The following PRDM16 variants were observed in gnomAD, a reference collection of about 807,000 sequenced individuals.
PRDM16 encodes PR/SET domain 16.
Under a neutral mutation model 110.6 loss-of-function variants are expected in PRDM16, and 23 were observed. That is an observed-to-expected ratio of 0.21 (90% confidence interval 0.15 to 0.29). PRDM16 has a LOEUF of 0.29. PRDM16 is among the 10% of genes least tolerant of loss of function. The pLI is 1.00. For synonymous variants in PRDM16, 799 were observed against 781.8 expected (o/e 1.02, Z -0.37); for missense variants, 1,615 against 1,794.3 (o/e 0.90, Z 1.81).
intron 3 of PRDM16, among the ~76,000 whole-genome samples, chr1:3,258,165 C>T (rs1021503370): frequency 6.6e-6 from 1 of 152,168 alleles, no homozygotes. Context: ...AAGTATCTAC[C>T]GTCCTGCTGC....
At chr1:3,289,582 G>C (rs1640927458) in intron 3 of PRDM16, among the ~76,000 whole-genome samples, 1 of 152,240 alleles carries the variant, frequency 6.6e-6, no homozygotes, top group African/African-American at 2.4e-5. Context: ...CCAGCAGGAG[G>C]AGACAGACAC....
intron 3 of PRDM16, among the ~76,000 whole-genome samples, chr1:3,340,214 T>G (rs1429056537): frequency 2.6e-5 from 4 of 152,110 alleles, no homozygotes; most frequent in African/African-American, 9.7e-5. Flanking sequence ...AGTCCTTACC[T>G]GGGCCCTTTG....
intron 1 of PRDM16, among the ~76,000 whole-genome samples, chr1:3,141,655 G>GGCAGACCCCAGCT (rs1643552171): frequency 6.6e-6 from 1 of 152,258 alleles, no homozygotes; most frequent in African/African-American, 2.4e-5. Context: ...TTAATCATAT[G>GGCAGACCCCAGCT]TGGCCACAGT....
At chr1:3,180,894 TCA>T (rs1433318295) in intron 1 of PRDM16, among the ~76,000 whole-genome samples, 7 of 151,024 alleles carry the variant, frequency 4.6e-5, no homozygotes, top group Admixed American at 6.6e-5. Flanking sequence ...ACACACGGCC[TCA>T]CACACGCAGT....
intron 1 of PRDM16, among the ~76,000 whole-genome samples, chr1:3,095,092 G>A (rs975898544): frequency 5.9e-5 from 9 of 152,228 alleles, no homozygotes; most frequent in African/African-American, 2.2e-4. Context: ...CACTGGCCCA[G>A]GCGAGCAGCC....
At chr1:3,141,582 T>C (rs1465262049) in intron 1 of PRDM16, among the ~76,000 whole-genome samples, 3 of 152,246 alleles carry the variant, frequency 2.0e-5, no homozygotes, top group African/African-American at 4.8e-5. Flanking sequence ...CGGACCCTTC[T>C]GGGCCGCCCC....
intron 8 of PRDM16, among the ~76,000 whole-genome samples, chr1:3,409,773 G>A (rs1395287805): frequency 2.7e-5 from 4 of 148,390 alleles, no homozygotes; most frequent in South Asian, 2.2e-4. Flanking sequence ...GTGTGTGGTT[G>A]TGTGTGGGTG....
chr1:3,425,505 T>G lies in PRDM16; in HGVS notation c.2940-76T>G, dbSNP rs532198016. 488 of 1,499,590 alleles carry G rather than the reference T, an allele frequency of 3.3e-4. 2 individuals are homozygous for G. The African/African-American group carries it at 5.9e-3, about 18-fold the overall frequency. The allele number at this position is 1,499,590 out of a possible 1,614,324, so 92.9% of individuals were successfully genotyped here. On this transcript the variant is annotated intron_variant, in intron 12 of 16. Coordinates refer to ENST00000270722, the MANE Select transcript of PRDM16 (RefSeq NM_022114.4). This position sits in a 1 kb window ranked among gnomAD's most constrained non-coding sequence, Gnocchi z 6.9. Reference sequence around the variant, plus strand: ...GCACGGGGCAGGGGCGCGGGCTCCCTTCCCCCCACCCTCTGTGGCCCGGCC... The same window carrying G: ...GCACGGGGCAGGGGCGCGGGCTCCCGTCCCCCCACCCTCTGTGGCCCGGCC...
intron 1 of PRDM16, among the ~76,000 whole-genome samples, chr1:3,130,714 A>G (rs924972995): frequency 2.9e-5 from 4 of 140,012 alleles, no homozygotes; most frequent in African/African-American, 1.1e-4. Flanking sequence ...GACGGATGTC[A>G]CCTCCATTCC....
rs112481112 is a variant in PRDM16 at position 3,143,772 on chromosome 1, C to T, written c.38-42353C>T. On this transcript the variant is annotated intron_variant, in intron 1 of 16. Coordinates refer to ENST00000270722, the MANE Select transcript of PRDM16 (RefSeq NM_022114.4). This position sits in a 1 kb window ranked among gnomAD's most constrained non-coding sequence, Gnocchi z 4.5. ...GATCACAGGCTTGAGCCACCGCGTC[C>T]GGCTTATTCTTTTTTTCTAAATAGT... 0.018 allele frequency among the ~76,000 whole-genome samples: 2,771 copies of T among 152,216 alleles called. 70 individuals carry two copies. Among genetic ancestry groups the T allele is most frequent in the African/African-American group, 0.063 (2,596 of 41,524 alleles).
chr1:3,372,159 A>G (rs1187830634), intron 3 of PRDM16, among the ~76,000 whole-genome samples: 3 of 152,194 alleles, frequency 2.0e-5, no homozygotes, highest in African/African-American at 7.2e-5. Context: ...TCAGGAACCA[A>G]CCAACGGGGA....
At chr1:3,291,506 A>C (rs1640972334) in intron 3 of PRDM16, among the ~76,000 whole-genome samples, 1 of 152,136 alleles carries the variant, frequency 6.6e-6, no homozygotes, top group South Asian at 2.1e-4. Flanking sequence ...AGCAGCTGAA[A>C]CATGGAAGGG....
rs189919795 is a variant in PRDM16, at chr1:3,370,563, G to A, written c.439-14589G>A. Among the ~76,000 whole-genome samples, 44 of 152,292 alleles carry A rather than the reference G, an allele frequency of 2.9e-4. No homozygotes were observed. Among genetic ancestry groups the A allele is most frequent in the Admixed American group, 2.2e-3 (34 of 15,308 alleles). On this transcript the variant is annotated intron_variant, in intron 3 of 16. Transcript: ENST00000270722. This position sits in a 1 kb window ranked among gnomAD's most constrained non-coding sequence, Gnocchi z 4.8. Reference sequence around the variant, plus strand: ...CAGAGGAGAGGAAGTGACCTGCGACGTGATAGCCATGGCCCAGTGCAGTGT... The same window carrying A: ...CAGAGGAGAGGAAGTGACCTGCGACATGATAGCCATGGCCCAGTGCAGTGT...
chr1:3,105,447 G>A (rs750814330), intron 1 of PRDM16, among the ~76,000 whole-genome samples: 7 of 152,202 alleles, frequency 4.6e-5, no homozygotes, highest in Non-Finnish European at 7.3e-5. Flanking sequence ...AGGCTCTTCC[G>A]GAGCGCAGCC....
chr1:3,180,474 G>A (rs916655414), intron 1 of PRDM16, among the ~76,000 whole-genome samples: 2 of 152,096 alleles, frequency 1.3e-5, no homozygotes, highest in African/African-American at 2.4e-5. Context: ...TCCCATCTTG[G>A]GCATCTCCAG....
intron 3 of PRDM16, among the ~76,000 whole-genome samples, chr1:3,264,203 C>T (rs977281469): frequency 1.3e-5 from 2 of 152,200 alleles, no homozygotes; most frequent in African/African-American, 4.8e-5. Flanking sequence ...AAATGGGGCG[C>T]TGTGTGACCT....
intron 2 of PRDM16, among the ~76,000 whole-genome samples, chr1:3,234,048 T>C (rs376330809): frequency 3.0e-4 from 45 of 152,102 alleles, no homozygotes; most frequent in African/African-American, 9.6e-4. Flanking sequence ...TCCTTGACGC[T>C]CCCACCAGGC....
At chr1:3,348,501 G>A (rs924613481) in intron 3 of PRDM16, among the ~76,000 whole-genome samples, 19 of 152,178 alleles carry the variant, frequency 1.2e-4, no homozygotes, top group Non-Finnish European at 2.4e-4. Context: ...CAGTGGGCAC[G>A]GCTTCTGCTG....
chr1:3,285,494 T>C (rs112740911), intron 3 of PRDM16, among the ~76,000 whole-genome samples: 3 of 152,164 alleles, frequency 2.0e-5, no homozygotes, highest in African/African-American at 7.2e-5. Context: ...GACGGACATG[T>C]CCCCTGCCTT....
Sources: gnomAD v4.1 joint callset for allele counts (sites outside exome capture counted in the v4.1 genomes callset) on GRCh38, gnomAD v4.1.1 for gene constraint, Gnocchi (gnomAD v3.1) non-coding constraint, MANE v1.5 for transcripts, NCBI Gene and HGNC (gene_info 2026-07-23, HGNC 2026-07-21) for gene names.